PIAS1: variants seen among roughly 807,000 people sequenced by gnomAD.
The protein encoded by PIAS1 is E3 SUMO-protein ligase PIAS1.
A neutral mutation model predicts 71.3 loss-of-function variants in PIAS1; 6 were observed. The ratio of observed to expected loss-of-function variants is 0.08; its 90% CI spans 0.05 to 0.17. The LOEUF is 0.17. Ranked by LOEUF, PIAS1 falls within the 10% of genes least tolerant of loss-of-function variation. The pLI is 1.00. For synonymous variants in PIAS1, 303 were observed against 292.9 expected, an observed-to-expected ratio of 1.03 and a Z score of -0.35; for missense variants, 555 against 793.6, an observed-to-expected ratio of 0.70 and a Z score of 3.61.
At chr15:68,158,381 T>A (rs2092904577) in intron 7 of PIAS1, among the ~76,000 whole-genome samples, 1 of 152,208 alleles carries the variant, frequency 6.6e-6, no homozygotes. Flanking sequence ...CCCTGCTGCC[T>A]TCTCTGCCTA....
chr15:68,144,722 T>C (rs1276918604), intron 4 of PIAS1, among the ~76,000 whole-genome samples: 6 of 152,296 alleles, frequency 3.9e-5, no homozygotes, highest in Admixed American at 3.3e-4. Context: ...CTAGAAAATC[T>C]TTGTAGATCA....
chr15:68,163,040 A>C (rs2092935290), intron 7 of PIAS1, among the ~76,000 whole-genome samples: 1 of 152,264 alleles, frequency 6.6e-6, no homozygotes, highest in South Asian at 2.1e-4. Flanking sequence ...TTGGAAACAC[A>C]CTCGCAGACA....
At chr15:68,126,768 C>CT (rs1397954656) in intron 2 of PIAS1, among the ~76,000 whole-genome samples, 1 of 150,248 alleles carries the variant, frequency 6.7e-6, no homozygotes, top group African/African-American at 2.4e-5. Context: ...TAAATGGTAG[C>CT]TTTTTTCGGA....
chr15:68,075,390 C>T (rs2092151496), intron 1 of PIAS1, among the ~76,000 whole-genome samples: 1 of 152,032 alleles, frequency 6.6e-6, no homozygotes, highest in African/African-American at 2.4e-5. Flanking sequence ...CCAGCCAAAA[C>T]ATTTTCTTAA....
chr15:68,182,311 CT>C (rs1567080795), intron 12 of PIAS1, among the ~76,000 whole-genome samples: 2 of 151,862 alleles, frequency 1.3e-5, no homozygotes, highest in East Asian at 1.9e-4. Flanking sequence ...AATCTAAGAA[CT>C]TTTTTTTATT....
chr15:68,140,196 C>T (rs2092760985), intron 2 of PIAS1, among the ~76,000 whole-genome samples: 1 of 152,138 alleles, frequency 6.6e-6, no homozygotes, highest in African/African-American at 2.4e-5. Context: ...TATATCTTCT[C>T]TTTCTAAACC....
chr15:68,138,233 A>G (rs1317582585), intron 2 of PIAS1, among the ~76,000 whole-genome samples: 1 of 152,110 alleles, frequency 6.6e-6, no homozygotes, highest in Non-Finnish European at 1.5e-5. Context: ...TGACTCTGCT[A>G]TATGTTTTGT....
Position 68,119,724 on chromosome 15 carries a change from A to G in PIAS1, c.470-22222A>G, listed in dbSNP as rs538918031. On this transcript the variant is annotated intron_variant, in intron 2 of 13. Transcript: ENST00000249636. ...GTTCAAAGTCTTCTGTATTCTTCCA[A>G]TTTCCTGTCCAGTTGTTCTATCACT... Among the ~76,000 whole-genome samples, 6 of 152,206 alleles carry G rather than the reference A, an allele frequency of 3.9e-5. No homozygotes were observed. In the South Asian group the frequency reaches 1.2e-3, roughly 32 times the overall value.
intron 2 of PIAS1, among the ~76,000 whole-genome samples, chr15:68,103,067 A>G (rs2092441193): frequency 6.6e-6 from 1 of 151,972 alleles, no homozygotes; most frequent in African/African-American, 2.4e-5. Flanking sequence ...AGCTGGGACT[A>G]TAGGTGCGCA....
At chr15:68,181,477 G>C in intron 12 of PIAS1, 123 bp downstream of exon 12, 4 of 827,370 alleles carry the variant, frequency 4.8e-6, no homozygotes. Flanking sequence ...TTGGACCCAG[G>C]GAACTGAGAG....
At chr15:68,179,570 T>A in intron 11 of PIAS1, among the ~76,000 whole-genome samples, 1 of 86,808 alleles carries the variant, frequency 1.2e-5, no homozygotes. Context: ...TGTTCTTTTT[T>A]TTTTTTTTTT....
intron 2 of PIAS1, among the ~76,000 whole-genome samples, chr15:68,092,464 C>T (rs2092340613): frequency 6.6e-6 from 1 of 152,282 alleles, no homozygotes; most frequent in East Asian, 1.9e-4. Context: ...TGAGCCACCG[C>T]ACCCAGCTGA....
intron 5 of PIAS1, among the ~76,000 whole-genome samples, 161 bp downstream of exon 5, chr15:68,146,067 A>G (rs1187411972): frequency 6.6e-6 from 1 of 152,226 alleles, no homozygotes; most frequent in Non-Finnish European, 1.5e-5. Flanking sequence ...ATGTACAGTT[A>G]GCAGCAGTGA....
At chr15:68,175,232 G>A (rs1372245415) in intron 9 of PIAS1, among the ~76,000 whole-genome samples, 1 of 152,044 alleles carries the variant, frequency 6.6e-6, no homozygotes, top group Non-Finnish European at 1.5e-5. Context: ...TTTAACCTTT[G>A]ATTACATATT....
chr15:68,135,231 C>T (rs1595754968), intron 2 of PIAS1, among the ~76,000 whole-genome samples: 2 of 38,762 alleles, frequency 5.2e-5, no homozygotes, highest in Admixed American at 3.6e-4. Context: ...GGTGGCTGGC[C>T]GGGCGGGGGC....
In PIAS1 at chr15:68,086,239, G is replaced by A. The variant is rs942165381; in HGVS notation, c.25-67G>A. On this transcript the variant is annotated intron_variant, in intron 1 of 13. Coordinates refer to ENST00000249636, the MANE Select transcript of PIAS1 (RefSeq NM_016166.3). This position sits in a 1 kb window ranked among gnomAD's most constrained non-coding sequence, Gnocchi z 7.2. ...ACCATAAGAAGGGGGTTATAATAAA[G>A]TGTCATTTAATAGTGTAAATTATAT... The A allele has an allele frequency of 2.8e-6, 3 of 1,072,668 alleles. No individual in the cohort carries two copies. 66.4% of individuals were successfully genotyped at this position (1,072,668 alleles called of 1,614,324 possible). A position where few individuals can be genotyped will look rare whatever the true frequency, so the allele number is the denominator to read the frequency against.
At chr15:68,115,149 T>C (rs1489166412) in intron 2 of PIAS1, among the ~76,000 whole-genome samples, 1 of 152,140 alleles carries the variant, frequency 6.6e-6, no homozygotes, top group Non-Finnish European at 1.5e-5. Flanking sequence ...GACATCTTGG[T>C]TGCTTCCAGG....
intron 2 of PIAS1, among the ~76,000 whole-genome samples, chr15:68,118,542 A>G (rs200664188): frequency 2.0e-5 from 3 of 149,360 alleles, no homozygotes; most frequent in East Asian, 1.9e-4. Context: ...GGTTGTCACT[A>G]TGTTCTGCAA....
chr15:68,114,560 C>T (rs2092549676), intron 2 of PIAS1, among the ~76,000 whole-genome samples: 1 of 152,032 alleles, frequency 6.6e-6, no homozygotes. Context: ...TTTAGTTTCA[C>T]TTTCCCTAAG....
Sources: gnomAD v4.1 joint callset for allele counts (sites outside exome capture counted in the v4.1 genomes callset) on GRCh38, gnomAD v4.1.1 for gene constraint, Gnocchi (gnomAD v3.1) non-coding constraint, MANE v1.5 for transcripts, NCBI Gene and HGNC (gene_info 2026-07-23, HGNC 2026-07-21) for gene names.